The following GNAL variants were observed in gnomAD, a reference collection of about 807,000 sequenced individuals.
GNAL encodes guanine nucleotide-binding protein G(olf) subunit alpha.
In GNAL, 18 loss-of-function variants were observed where a neutral mutation model predicts 55.1. That is an observed-to-expected ratio of 0.33 (90% CI 0.23 to 0.48). GNAL has a LOEUF of 0.48. GNAL is among the 20% of genes least tolerant of loss of function. The probability of loss-of-function intolerance (pLI) is 0.99; values close to 1 mark genes in which losing one functional copy is unlikely to be tolerated. For missense variants in GNAL, 412 were observed against 614.1 expected (o/e 0.67, Z 3.48); for synonymous variants, 253 against 237.0 (o/e 1.07, Z -0.62).
chr18:11,830,701 A>G (rs371824492), intron 5 of GNAL, among the ~76,000 whole-genome samples: 8 of 152,242 alleles, frequency 5.3e-5, no homozygotes, highest in Admixed American at 2.0e-4. Flanking sequence ...ATTTGTCATC[A>G]TAACTAAAAG....
intron 4 of GNAL, among the ~76,000 whole-genome samples, chr18:11,799,561 C>A (rs929463782): frequency 6.6e-6 from 1 of 152,134 alleles, no homozygotes; most frequent in Non-Finnish European, 1.5e-5. Context: ...AGAAATCCAA[C>A]ATTCAAAAGG....
In GNAL at chr18:11,789,532, C is replaced by T. The variant is rs115091897; in HGVS notation, c.625-35386C>T. 2.1e-3 allele frequency among the ~76,000 whole-genome samples: 320 copies of T among 152,162 alleles called. 2 individuals carry two copies. The highest frequency in any genetic ancestry group is 7.5e-3 in the African/African-American group (310 of 41,474). ...GTGCATATAACTTAAGGTTATGGCA[C>T]CATATGGTGGGGAAGACTATATATA... On this transcript the variant is annotated intron_variant, in intron 4 of 11. Coordinates refer to ENST00000334049, the MANE Select transcript of GNAL (RefSeq NM_182978.4).
chr18:11,746,364 C>G (rs543442565), intron 1 of GNAL: 1 of 274,146 alleles, frequency 3.6e-6, no homozygotes, highest in South Asian at 3.9e-5. Context: ...AATCCCAGCA[C>G]TTTGGGAGGC....
intron 4 of GNAL, among the ~76,000 whole-genome samples, chr18:11,784,080 G>A (rs1309308503): frequency 1.3e-5 from 2 of 152,234 alleles, no homozygotes; most frequent in African/African-American, 4.8e-5. Context: ...GGCCCAGCAA[G>A]CCCATGCAGG....
At chr18:11,735,337 C>T (rs1002363209) in intron 1 of GNAL, among the ~76,000 whole-genome samples, 1 of 152,010 alleles carries the variant, frequency 6.6e-6, no homozygotes, top group Non-Finnish European at 1.5e-5. Flanking sequence ...TGGTGTGAGC[C>T]ACTGTGCCCG....
At chr18:11,729,239 G>C (rs1319442538) in intron 1 of GNAL, among the ~76,000 whole-genome samples, 1 of 152,094 alleles carries the variant, frequency 6.6e-6, no homozygotes, top group Non-Finnish European at 1.5e-5. Flanking sequence ...TTCCTGAGCG[G>C]TTAGAAGGAA....
intron 5 of GNAL, chr18:11,857,283 A>G (rs1356054584): frequency 6.5e-6 from 1 of 153,972 alleles, no homozygotes. Context: ...GAGGAAAGGG[A>G]TATTGTGCTG....
chr18:11,880,307 G>A (rs941913936), intron 11 of GNAL, among the ~76,000 whole-genome samples: 4 of 149,986 alleles, frequency 2.7e-5, no homozygotes, highest in Non-Finnish European at 4.4e-5. Context: ...AGTGGCTCAT[G>A]CCTATAATCC....
chr18:11,845,796 A>G (rs2035721783), intron 5 of GNAL, among the ~76,000 whole-genome samples: 1 of 146,380 alleles, frequency 6.8e-6, no homozygotes, highest in Admixed American at 6.8e-5. Flanking sequence ...AGAAAGAGAG[A>G]GGGAGGGAGA....
At chr18:11,804,838 A>G (rs1426882818) in intron 4 of GNAL, among the ~76,000 whole-genome samples, 1 of 139,788 alleles carries the variant, frequency 7.2e-6, no homozygotes, top group Non-Finnish European at 1.5e-5. Context: ...GAACACGGAG[A>G]TACTGTGTAG....
At chr18:11,740,367 C>G (rs532376839) in intron 1 of GNAL, among the ~76,000 whole-genome samples, 14 of 152,242 alleles carry the variant, frequency 9.2e-5, no homozygotes, top group Admixed American at 3.3e-4. Flanking sequence ...AGCTATTTCT[C>G]TAAGGATGAC....
At chr18:11,761,413 A>G (rs944763598) in intron 4 of GNAL, among the ~76,000 whole-genome samples, 5 of 152,170 alleles carry the variant, frequency 3.3e-5, no homozygotes, top group African/African-American at 4.8e-5. Context: ...GCAGGTTACC[A>G]TGGACCTCCC....
chr18:11,790,533 G>A (rs1211418976), intron 4 of GNAL, among the ~76,000 whole-genome samples: 1 of 152,114 alleles, frequency 6.6e-6, no homozygotes, highest in Non-Finnish European at 1.5e-5. Context: ...AAGGAGGTCA[G>A]TGCCAAGGTG....
At chr18:11,747,901 C>T (rs1032148373) in intron 1 of GNAL, among the ~76,000 whole-genome samples, 3 of 152,068 alleles carry the variant, frequency 2.0e-5, no homozygotes, top group Non-Finnish European at 2.9e-5. Context: ...CCTGGGTCCC[C>T]GCAGGTGGGT....
rs1487696361 is a variant in GNAL, at chr18:11,882,999, A to G, written c.*1864A>G. 1 of 152,070 alleles carries G rather than the reference A, an allele frequency of 6.6e-6. No individual in the cohort carries two copies. Among genetic ancestry groups the G allele is most frequent in the Admixed American group, 6.6e-5 (1 of 15,246 alleles). 9.4% of individuals were successfully genotyped at this position (152,070 alleles called of 1,614,324 possible). ...AATCTATAAAGATGTCCAAAGTTAA[A>G]TTTTCAACAATACAAATCTAGAGAA... On this transcript the variant is annotated 3_prime_UTR_variant, in exon 12 of 12. Transcript: ENST00000334049.
intron 10 of GNAL, 100 bp downstream of exon 10, chr18:11,872,498 C>A (rs997923516): frequency 3.1e-5 from 24 of 783,812 alleles, no homozygotes; most frequent in Non-Finnish European, 4.8e-5. Context: ...CAAAGAAATT[C>A]ACTTTATTTA....
At chr18:11,764,350 G>A (rs551963899) in intron 4 of GNAL, among the ~76,000 whole-genome samples, 1 of 151,914 alleles carries the variant, frequency 6.6e-6, no homozygotes, top group Non-Finnish European at 1.5e-5. Flanking sequence ...TAAGTAATCC[G>A]CCCACCTTGA....
chr18:11,755,180 G>T (rs541281115), intron 4 of GNAL, among the ~76,000 whole-genome samples: 28 of 152,210 alleles, frequency 1.8e-4, no homozygotes, highest in Non-Finnish European at 3.1e-4. Context: ...GCCTGCAAGG[G>T]CTGTGGCCCC....
rs2035855940 is a variant in GNAL at position 11,851,303 on chromosome 18, T to G, written c.723-11092T>G. ...CCTGCATGCGCAGCCCCTGGCGTCT[T>G]ACGTCCCACAGGCCCCACCCCGGCG... On this transcript the variant is annotated intron_variant, in intron 5 of 11. Transcript: ENST00000334049. 11 of 563,458 alleles carry G rather than the reference T, an allele frequency of 2.0e-5. No individual in the cohort carries two copies. The South Asian group carries it at 2.5e-4, about 13-fold the overall frequency. 34.9% of individuals were successfully genotyped at this position (563,458 alleles called of 1,614,324 possible).
Sources: allele counts gnomAD v4.1 joint callset (sites outside exome capture counted in the v4.1 genomes callset), GRCh38; gene constraint gnomAD v4.1.1; transcripts MANE v1.5; gene names NCBI Gene and HGNC (gene_info 2026-07-23, HGNC 2026-07-21).